Variants in NR6A1 observed in about 807,000 individuals in gnomAD.
The protein encoded by NR6A1 is retinoic acid receptor-related testis-associated receptor.
In NR6A1, 7 loss-of-function variants were observed where a neutral mutation model predicts 59.1. That is an observed-to-expected ratio of 0.12 (90% CI 0.07 to 0.22). NR6A1 has a LOEUF of 0.22. NR6A1 is among the 10% of genes least tolerant of loss of function. NR6A1 has a pLI of 1.00. For missense variants in NR6A1, 468 were observed against 611.6 expected (o/e 0.77, Z 2.48); for synonymous variants, 243 against 236.1 (o/e 1.03, Z -0.27).
intron 2 of NR6A1, among the ~76,000 whole-genome samples, chr9:124,688,715 T>C (rs919812994): frequency 1.3e-5 from 2 of 152,210 alleles, no homozygotes; most frequent in Admixed American, 1.3e-4. Context: ...TCTATAGCTA[T>C]GGTCAGAATT....
chr9:124,697,087 A>AT (rs1838790960), intron 2 of NR6A1, among the ~76,000 whole-genome samples: 1 of 152,244 alleles, frequency 6.6e-6, no homozygotes. Flanking sequence ...TTTCCTGACT[A>AT]GATTAGGAGC....
rs80037922 is a variant in NR6A1, at chr9:124,723,026, A to C, written c.142+10282T>G. Among the ~76,000 whole-genome samples, 85 of 152,174 alleles carry C rather than the reference A, an allele frequency of 5.6e-4. 1 individual carries two copies. In the East Asian group the frequency reaches 0.016, roughly 29 times the overall value. The stretch of plus-strand genomic sequence containing the variant: ...CAAGTCTCTTTTAAAATACTCATAT[A>C]AATATATATACATACACACTATATT... On this transcript the variant is annotated intron_variant, in intron 2 of 9. Coordinates refer to ENST00000487099, the MANE Select transcript of NR6A1 (RefSeq NM_033334.4).
intron 2 of NR6A1, among the ~76,000 whole-genome samples, chr9:124,669,702 C>G (rs898754107): frequency 1.3e-5 from 2 of 152,168 alleles, no homozygotes; most frequent in Non-Finnish European, 2.9e-5. Flanking sequence ...TACCCAAGTA[C>G]CTATAGTCAA....
At chr9:124,690,992 A>G (rs1466435759) in intron 2 of NR6A1, among the ~76,000 whole-genome samples, 6 of 152,222 alleles carry the variant, frequency 3.9e-5, no homozygotes. Context: ...TTAAGGAATA[A>G]TATTTTGTAA....
intron 2 of NR6A1, among the ~76,000 whole-genome samples, chr9:124,625,404 G>A (rs1282478768): frequency 5.3e-5 from 8 of 152,056 alleles, no homozygotes; most frequent in South Asian, 2.1e-4. Flanking sequence ...CACAGCTCAC[G>A]GCAGCCTCAA....
At chr9:124,669,753 T>C (rs895265415) in intron 2 of NR6A1, among the ~76,000 whole-genome samples, 1 of 152,142 alleles carries the variant, frequency 6.6e-6, no homozygotes, top group Non-Finnish European at 1.5e-5. Flanking sequence ...CATACCACCA[T>C]GCCCGGCTAA....
At chr9:124,662,843 G>A (rs145583959) in intron 2 of NR6A1, among the ~76,000 whole-genome samples, 1 of 152,294 alleles carries the variant, frequency 6.6e-6, no homozygotes, top group African/African-American at 2.4e-5. Flanking sequence ...TAGGGATGTA[G>A]GGTTAGATTT....
At chr9:124,764,360 T>A (rs1053054751) in intron 1 of NR6A1, among the ~76,000 whole-genome samples, 15 of 152,126 alleles carry the variant, frequency 9.9e-5, no homozygotes, top group Admixed American at 2.0e-4. Flanking sequence ...TAATCAATCA[T>A]CTCTTTTTTT....
chr9:124,642,477 G>C (rs909284670), intron 2 of NR6A1, among the ~76,000 whole-genome samples: 1 of 152,120 alleles, frequency 6.6e-6, no homozygotes, highest in Non-Finnish European at 1.5e-5. Flanking sequence ...TCACCTTTCA[G>C]GTGAAATAAT....
chr9:124,537,598 A>T (rs1198690926), intron 6 of NR6A1, among the ~76,000 whole-genome samples: 1 of 152,184 alleles, frequency 6.6e-6, no homozygotes, highest in East Asian at 1.9e-4. Flanking sequence ...TTATCTCCTC[A>T]GGTAGAAGTG....
chr9:124,703,277 A>G (rs1343936163), intron 2 of NR6A1, among the ~76,000 whole-genome samples: 5 of 148,268 alleles, frequency 3.4e-5, no homozygotes, highest in Non-Finnish European at 7.4e-5. Flanking sequence ...TAGTGGCACA[A>G]TCATAGCGTA....
intron 2 of NR6A1, among the ~76,000 whole-genome samples, chr9:124,603,351 ATTC>A (rs1241856866): frequency 1.3e-5 from 2 of 151,998 alleles, no homozygotes; most frequent in African/African-American, 4.8e-5. Context: ...GTGCATTCAT[ATTC>A]TTCTTCATTT....
At chr9:124,645,724 T>A (rs182721276) in intron 2 of NR6A1, among the ~76,000 whole-genome samples, 1 of 152,264 alleles carries the variant, frequency 6.6e-6, no homozygotes. Context: ...AGGCAGAAAT[T>A]CATTAAAAAC....
intron 2 of NR6A1, among the ~76,000 whole-genome samples, chr9:124,614,361 TCTCCACCAGCCA>T (rs1293842928): frequency 6.6e-6 from 1 of 152,168 alleles, no homozygotes; most frequent in Non-Finnish European, 1.5e-5. Context: ...ATAGTTTCTG[TCTCCACCAGCCA>T]GAATGAAAAA....
chr9:124,612,135 T>A (rs1386464001), intron 2 of NR6A1, among the ~76,000 whole-genome samples: 1 of 152,212 alleles, frequency 6.6e-6, no homozygotes, highest in Non-Finnish European at 1.5e-5. Flanking sequence ...CAGAACCTTG[T>A]GCTTTTTGAT....
chr9:124,601,499 G>T (rs1038065621), intron 2 of NR6A1, among the ~76,000 whole-genome samples: 2 of 151,340 alleles, frequency 1.3e-5, no homozygotes, highest in African/African-American at 4.9e-5. Flanking sequence ...CAGGAGAATG[G>T]CGTGAACCTG....
intron 3 of NR6A1, among the ~76,000 whole-genome samples, chr9:124,544,689 G>A (rs990143006): frequency 6.6e-6 from 1 of 152,136 alleles, no homozygotes; most frequent in Non-Finnish European, 1.5e-5. Context: ...ATTTCCAAGC[G>A]GCTTAATCTG....
At chr9:124,640,534 G>A (rs969281590) in intron 2 of NR6A1, among the ~76,000 whole-genome samples, 3 of 152,022 alleles carry the variant, frequency 2.0e-5, no homozygotes, top group African/African-American at 7.2e-5. Context: ...CAAGTGGCTA[G>A]GGCTACAGGA....
chr9:124,578,180 T>C (rs1037889800), intron 2 of NR6A1, among the ~76,000 whole-genome samples: 1 of 152,200 alleles, frequency 6.6e-6, no homozygotes, highest in East Asian at 1.9e-4. Context: ...GGTTAGTCCA[T>C]GGACCTCTTT....
Sources: gnomAD v4.1 joint callset for allele counts (sites outside exome capture counted in the v4.1 genomes callset) on GRCh38, gnomAD v4.1.1 for gene constraint, MANE v1.5 for transcripts, NCBI Gene and HGNC (gene_info 2026-07-23, HGNC 2026-07-21) for gene names.